SATB1: variants seen among roughly 807,000 people sequenced by gnomAD.
SATB1 encodes the protein SATB homeobox 1, also known as DNA-binding protein SATB1.
In SATB1, 11 loss-of-function variants were observed where a neutral mutation model predicts 86.9. The ratio of observed to expected loss-of-function variants is 0.13; its 90% CI spans 0.08 to 0.21. The LOEUF (loss-of-function observed/expected upper bound fraction) is 0.21. Among genes scored for constraint, SATB1 ranks in the 10% least tolerant of loss-of-function variants. The pLI, the probability that SATB1 is intolerant of heterozygous loss-of-function variation, is 1.00. For missense variants in SATB1, 551 were observed against 937.6 expected (o/e 0.59, Z 5.39); for synonymous variants, 357 against 357.2 (o/e 1.00, Z 0.01).
intron 10 of SATB1, chr3:18,351,061 G>A (rs891354517): frequency 1.0e-4 from 48 of 480,030 alleles, no homozygotes; most frequent in Admixed American, 1.7e-4. Flanking sequence ...GGCCCTAAGA[G>A]CGCTAATGAC....
intron 9 of SATB1, among the ~76,000 whole-genome samples, chr3:18,369,043 T>G (rs1321396346): frequency 6.6e-6 from 1 of 152,064 alleles, no homozygotes. Flanking sequence ...AACTCTGCCT[T>G]TCAAATCAAT....
intron 9 of SATB1, among the ~76,000 whole-genome samples, chr3:18,371,548 A>T (rs189497876): frequency 6.6e-6 from 1 of 152,316 alleles, no homozygotes; most frequent in African/African-American, 2.4e-5. Context: ...GAAAATTTCT[A>T]CATTAGATTC....
rs1694116071 is a variant in SATB1, at chr3:18,347,492, A to G, written c.*1678T>C. 7.4e-6 allele frequency: 1 copy of G among 135,614 alleles called. No homozygotes were observed. The highest frequency in any genetic ancestry group is 1.5e-5 in the Non-Finnish European group (1 of 65,470). 8.4% of individuals were successfully genotyped at this position (135,614 alleles called of 1,614,324 possible). A position where few individuals can be genotyped will look rare whatever the true frequency, so the allele number is the denominator to read the frequency against. On this transcript the variant is annotated 3_prime_UTR_variant, in exon 11 of 11. Coordinates refer to ENST00000338745, the MANE Select transcript of SATB1 (RefSeq NM_002971.6). ...TAACTTATTCCACTTATAACTTGTG[A>G]AAAAAAAAAGCTAAGGGGTTTTTAT...
chr3:18,396,293 A>C (rs932046755), intron 6 of SATB1, among the ~76,000 whole-genome samples: 1 of 152,238 alleles, frequency 6.6e-6, no homozygotes, highest in Non-Finnish European at 1.5e-5. Context: ...AAAATTAAAA[A>C]AAAATTAAAT....
Position 18,416,039 on chromosome 3 carries a change from A to G in SATB1, c.483T>C (p.Tyr161=), listed in dbSNP as rs1698095975. The change falls in exon 4 of 11, where the codon TAT becomes TAC. Residue 161 remains tyrosine (Y), a synonymous_variant. Transcript: ENST00000338745. ...ATVADMLQDV[Y]HVVTLKIQLH... ...ACTGAATTTTCAATGTGACCACATG[A>G]TACACATCTTGAAGCATATCTGCTA... 2 of 1,607,132 alleles carry G rather than the reference A, an allele frequency of 1.2e-6. No individual in the cohort carries two copies. The highest frequency in any genetic ancestry group is 1.7e-6 in the Non-Finnish European group (2 of 1,175,818).
intron 5 of SATB1, chr3:18,409,107 ATAAAG>A (rs1697700637): frequency 6.6e-6 from 1 of 152,188 alleles, no homozygotes; most frequent in African/African-American, 2.4e-5. Context: ...TTAAGTGAAA[ATAAAG>A]TAATTACACA....
At chr3:18,425,734 A>T (rs1207699156), upstream of SATB1, among the ~76,000 whole-genome samples, 2 of 147,926 alleles carry the variant, frequency 1.4e-5, no homozygotes, top group Non-Finnish European at 3.0e-5. Context: ...GGAGGAGGAG[A>T]GGGGGCTTCC....
intron 9 of SATB1, among the ~76,000 whole-genome samples, chr3:18,362,570 C>A (rs1398273660): frequency 6.6e-6 from 1 of 151,678 alleles, no homozygotes; most frequent in Non-Finnish European, 1.5e-5. Context: ...AAATAAGGTT[C>A]AAATTGAGCT....
chr3:18,364,034 T>C (rs1346890992), intron 9 of SATB1, among the ~76,000 whole-genome samples: 1 of 152,212 alleles, frequency 6.6e-6, no homozygotes, highest in Non-Finnish European at 1.5e-5. Context: ...GAGTGAAGGA[T>C]GCTTGAAGAG....
At chr3:18,356,847 A>G (rs1279901290) in intron 9 of SATB1, among the ~76,000 whole-genome samples, 1 of 151,952 alleles carries the variant, frequency 6.6e-6, no homozygotes, top group Admixed American at 6.6e-5. Context: ...CCTCACATGC[A>G]TAGAATGAGA....
chr3:18,436,943 G>A (rs1575188747), intron 1 of SATB1: 1 of 152,182 alleles, frequency 6.6e-6, no homozygotes. Flanking sequence ...GTAAGCCTAA[G>A]TCCAGCTTTA....
intron 9 of SATB1, among the ~76,000 whole-genome samples, chr3:18,377,901 T>C (rs530025504): frequency 1.2e-4 from 18 of 152,296 alleles, no homozygotes; most frequent in African/African-American, 4.1e-4. Flanking sequence ...AAACTGACTA[T>C]CCATTATGAT....
At chr3:18,351,084 G>C (rs1694333945) in intron 10 of SATB1, 3 of 530,042 alleles carry the variant, frequency 5.7e-6, no homozygotes, top group Non-Finnish European at 6.9e-6. Flanking sequence ...CCTGATCCCA[G>C]AACTTTTCCA....
chr3:18,444,909 G>T lies in SATB1; in HGVS notation c.-25+609C>A, dbSNP rs1383550963. On this transcript the variant is annotated intron_variant, in intron 1 of 3. Coordinates refer to the SATB1 transcript ENST00000415069. This position sits in a 1 kb window ranked among gnomAD's most constrained non-coding sequence, Gnocchi z 5.1. ...GGGGAGGGAGGAGATGTTAACGGGC[G>T]GGGGGGGGAGAAGGGGGAGGGGGCG... 1 of 119,724 alleles carries T rather than the reference G, an allele frequency of 8.4e-6. No individual in the cohort carries two copies. The highest frequency in any genetic ancestry group is 1.8e-5 in the Non-Finnish European group (1 of 56,082). The allele number at this position is 119,724 out of a possible 1,614,324, so 7.4% of individuals were successfully genotyped here.
chr3:18,388,592 A>G (rs1465242225), intron 7 of SATB1, among the ~76,000 whole-genome samples: 2 of 152,158 alleles, frequency 1.3e-5, no homozygotes, highest in East Asian at 1.9e-4. Context: ...TCATGTGTAT[A>G]AAGACCACAA....
intron 9 of SATB1, among the ~76,000 whole-genome samples, chr3:18,357,079 C>T (rs1003698478): frequency 6.6e-6 from 1 of 151,742 alleles, no homozygotes; most frequent in Non-Finnish European, 1.5e-5. Context: ...AAAAATACAT[C>T]TGAAAAAACA....
intron 5 of SATB1, among the ~76,000 whole-genome samples, chr3:18,406,233 T>G (rs1364439352): frequency 6.6e-6 from 1 of 152,010 alleles, no homozygotes; most frequent in Non-Finnish European, 1.5e-5. Flanking sequence ...TTTAAAACAC[T>G]GCATGTTTAT....
rs1694062363 is a variant in SATB1 at position 18,346,492 on chromosome 3, T to C, written c.*2678A>G. 6.6e-6 allele frequency: 1 copy of C among 151,962 alleles called. No individual in the cohort carries two copies. 9.4% of individuals were successfully genotyped at this position (151,962 alleles called of 1,614,324 possible). On this transcript the variant is annotated 3_prime_UTR_variant, in exon 11 of 11. Coordinates refer to ENST00000338745, the MANE Select transcript of SATB1 (RefSeq NM_002971.6). ...GACATTGGGGGAGCAATATGGAAGA[T>C]CATCTGGGCAAGTCTTTTCTAAAAT...
Position 18,349,116 on chromosome 3 carries a change from T to A in SATB1, c.*54A>T. The A allele has an allele frequency of 1.3e-6, 2 of 1,563,526 alleles. No homozygotes were observed. Among genetic ancestry groups the A allele is most frequent in the South Asian group, 2.5e-5 (2 of 80,934 alleles). ...TCTGAGAGAAGACAAGGTGGACTTT[T>A]CATTTTGTTAGTAAATACCAGTGGC... On this transcript the variant is annotated 3_prime_UTR_variant, in exon 11 of 11. Coordinates refer to ENST00000338745, the MANE Select transcript of SATB1 (RefSeq NM_002971.6). The surrounding 1 kb of genome is among the most constrained non-coding windows in gnomAD (Gnocchi z 5.5).
Sources: allele counts gnomAD v4.1 joint callset (sites outside exome capture counted in the v4.1 genomes callset), GRCh38; gene constraint gnomAD v4.1.1; non-coding constraint Gnocchi (gnomAD v3.1); transcripts MANE v1.5; gene names NCBI Gene and HGNC (gene_info 2026-07-23, HGNC 2026-07-21).